CTBP2: variants seen among roughly 807,000 people sequenced by gnomAD.
The protein encoded by CTBP2 is C-terminal-binding protein 2.
CTBP2 carries 30 observed loss-of-function variants against 80.3 expected under a neutral mutation model. That is an observed-to-expected ratio of 0.37 (90% CI 0.28 to 0.51). The LOEUF is 0.51. CTBP2 is among the 20% of genes least tolerant of loss of function. CTBP2 has a pLI of 0.93. For missense variants in CTBP2, 1,212 were observed against 1,375.3 expected, an observed-to-expected ratio of 0.88 and a Z score of 1.88; for synonymous variants, 594 against 587.4, an observed-to-expected ratio of 1.01 and a Z score of -0.16.
At chr10:125,118,624 A>C (rs941408353) in intron 1 of CTBP2, among the ~76,000 whole-genome samples, 14 of 151,180 alleles carry the variant, frequency 9.3e-5, no homozygotes, top group Non-Finnish European at 2.1e-4. Context: ...CTGCACCCCC[A>C]CACACCTGTA....
Position 125,036,135 on chromosome 10 carries a change from C to T in CTBP2, c.58+2862G>A, listed in dbSNP as rs115698861. ...CACAGCCTGGCGGAGTGAATCCCCA[C>T]GGCAGATTCTGGGCACACAGAAGGA... is the stretch of plus-strand genomic sequence containing the variant. On this transcript the variant is annotated intron_variant, in intron 3 of 10. Transcript: ENST00000337195. Among the ~76,000 whole-genome samples, 274 of 152,296 alleles carry T rather than the reference C, an allele frequency of 1.8e-3. 2 individuals are homozygous for T. The highest frequency in any genetic ancestry group is 6.4e-3 in the African/African-American group (267 of 41,548).
At chr10:125,126,975 G>A (rs892394872) in intron 1 of CTBP2, among the ~76,000 whole-genome samples, 3 of 151,414 alleles carry the variant, frequency 2.0e-5, no homozygotes, top group African/African-American at 7.3e-5. Context: ...TCCCAATACT[G>A]CATCAACTGT....
chr10:125,035,683 T>C (rs1464014213), intron 3 of CTBP2, among the ~76,000 whole-genome samples: 1 of 152,240 alleles, frequency 6.6e-6, no homozygotes, highest in Non-Finnish European at 1.5e-5. Flanking sequence ...CCCTTTGCAA[T>C]GCTGAGTGAT....
At position 125,120,877 on chromosome 10, in the gene CTBP2, C is replaced by A. The variant is rs577042965; in HGVS notation, c.-205-9784G>T. 2.6e-5 allele frequency among the ~76,000 whole-genome samples: 4 copies of A among 152,320 alleles called. No individual in the cohort carries two copies. The South Asian group carries it at 8.3e-4, about 32-fold the overall frequency. ...ACTATTGATCAATGGACTACATGTG[C>A]AATACTGACTGGGAAAGTGAAGTTA... On this transcript the variant is annotated intron_variant, in intron 1 of 10. Transcript: ENST00000337195.
At chr10:125,130,431 T>C (rs568146849) in intron 1 of CTBP2, among the ~76,000 whole-genome samples, 1 of 152,068 alleles carries the variant, frequency 6.6e-6, no homozygotes, top group Non-Finnish European at 1.5e-5. Flanking sequence ...AAGAGCAAAG[T>C]GATTACCACA....
chr10:125,003,121 C>G lies in CTBP2; in HGVS notation c.1834-17G>C. On this transcript the variant is annotated splice_polypyrimidine_tract_variant and intron_variant, in intron 2 of 8. Transcript: ENST00000309035. ...GTTTAGAACCTGCGTGGGAACAGAGCACAGGGTCGGAGCCCCACCCCGTGC... is the reference window on the plus strand; with the variant it reads ...GTTTAGAACCTGCGTGGGAACAGAGGACAGGGTCGGAGCCCCACCCCGTGC... The G allele has an allele frequency of 3.7e-6, 6 of 1,613,618 alleles. No homozygotes were observed. Among genetic ancestry groups the G allele is most frequent in the Non-Finnish European group, 5.1e-6 (6 of 1,179,912 alleles).
upstream of CTBP2, among the ~76,000 whole-genome samples, chr10:125,032,063 A>G (rs1306537527): frequency 6.6e-6 from 1 of 152,118 alleles, no homozygotes; most frequent in Non-Finnish European, 1.5e-5. Context: ...AGAAAAAAAA[A>G]AACAAGCCCA....
At chr10:125,151,978 GC>G (rs1214738211) in intron 1 of CTBP2, among the ~76,000 whole-genome samples, 2 of 152,160 alleles carry the variant, frequency 1.3e-5, no homozygotes, top group Non-Finnish European at 2.9e-5. Context: ...GCGGGAAGCG[GC>G]TCCATTTACA....
At chr10:125,077,315 C>T (rs1221534157) in intron 2 of CTBP2, among the ~76,000 whole-genome samples, 1 of 152,186 alleles carries the variant, frequency 6.6e-6, no homozygotes, top group East Asian at 1.9e-4. Flanking sequence ...AAGACACATT[C>T]AGCGTTTCCA....
intron 1 of CTBP2, among the ~76,000 whole-genome samples, chr10:125,126,353 T>C (rs1855249402): frequency 6.6e-6 from 1 of 152,144 alleles, no homozygotes; most frequent in South Asian, 2.1e-4. Context: ...AACTCAAAAG[T>C]CACTGGGACT....
chr10:125,075,038 C>G (rs940418413), intron 2 of CTBP2, among the ~76,000 whole-genome samples: 2 of 152,176 alleles, frequency 1.3e-5, no homozygotes, highest in Non-Finnish European at 2.9e-5. Flanking sequence ...TAAAAGAAAA[C>G]AAAGGAGAAT....
At chr10:125,149,098 C>T (rs1214005190) in intron 1 of CTBP2, among the ~76,000 whole-genome samples, 3 of 152,112 alleles carry the variant, frequency 2.0e-5, no homozygotes, top group Admixed American at 6.5e-5. Context: ...TTCTGCCCAG[C>T]GCAAAGGATC....
chr10:124,992,895 G>T (rs1589905146), intron 7 of CTBP2, 83 bp from the exon 10 acceptor site: 1 of 1,083,726 alleles, frequency 9.2e-7, no homozygotes, highest in East Asian at 2.5e-5. Context: ...TGCTTATGTG[G>T]GGAAATAAGC....
chr10:124,993,053 A>C, intron 7 of CTBP2, 149 bp downstream of exon 9: 1 of 1,031,686 alleles, frequency 9.7e-7, no homozygotes, highest in Non-Finnish European at 1.4e-6. Context: ...TTCAGGGCTT[A>C]CGTAAATAAA....
intron 2 of CTBP2, among the ~76,000 whole-genome samples, chr10:125,052,512 C>T (rs1170659839): frequency 2.6e-5 from 4 of 152,332 alleles, no homozygotes; most frequent in South Asian, 4.1e-4. Flanking sequence ...TTGTTTGGAC[C>T]GTCCTGCCTT....
intron 2 of CTBP2, among the ~76,000 whole-genome samples, chr10:125,065,806 A>G (rs1353718808): frequency 1.3e-5 from 2 of 152,144 alleles, no homozygotes; most frequent in Non-Finnish European, 2.9e-5. Context: ...CTATCAGAAA[A>G]ATGCCATCAT....
chr10:125,029,267 G>C (rs562589113), upstream of CTBP2, among the ~76,000 whole-genome samples: 1 of 125,360 alleles, frequency 8.0e-6, no homozygotes, highest in East Asian at 2.5e-4. Flanking sequence ...TTTTGAGACC[G>C]AGTTTTGCTC....
chr10:125,085,360 G>A (rs1474681905), intron 2 of CTBP2, among the ~76,000 whole-genome samples: 7 of 152,174 alleles, frequency 4.6e-5, no homozygotes, highest in Non-Finnish European at 7.3e-5. Flanking sequence ...AAGTCATTAC[G>A]GCAGGATCCC....
At chr10:124,997,598 G>A in intron 4 of CTBP2, 1 of 283,850 alleles carries the variant, frequency 3.5e-6, no homozygotes, top group Non-Finnish European at 6.7e-6. Context: ...CCCTACACGA[G>A]CCCCAAGCCT....
Sources: allele counts gnomAD v4.1 joint callset (sites outside exome capture counted in the v4.1 genomes callset), GRCh38; gene constraint gnomAD v4.1.1; transcripts MANE v1.5; gene names NCBI Gene and HGNC (gene_info 2026-07-23, HGNC 2026-07-21).